FAM227B: variants seen among roughly 807,000 people sequenced by gnomAD.
The protein encoded by FAM227B is protein FAM227B.
In FAM227B, 88 loss-of-function variants were observed where a neutral mutation model predicts 73.8. The ratio of observed to expected loss-of-function variants is 1.19; its 90% CI spans 1.00 to 1.42. The LOEUF is 1.42. Ranked by LOEUF, FAM227B falls within the 40% of genes most tolerant of loss-of-function variation. The pLI is 0.00. For synonymous variants in FAM227B, 210 were observed against 190.5 expected (o/e 1.10, Z -0.84); for missense variants, 632 against 590.9 (o/e 1.07, Z -0.72).
intron 11 of FAM227B, among the ~76,000 whole-genome samples, chr15:49,382,342 C>T (rs59112977): frequency 0.17 from 25,341 of 151,830 alleles, 2,395 homozygotes; most frequent in Non-Finnish European, 0.21. Flanking sequence ...AATATTAATG[C>T]GTTTACTATT....
chr15:49,441,884 T>G (rs2051686152), intron 11 of FAM227B, among the ~76,000 whole-genome samples: 1 of 151,612 alleles, frequency 6.6e-6, no homozygotes, highest in East Asian at 1.9e-4. Context: ...GGGAGCAACC[T>G]TCTCATTGTA....
intron 9 of FAM227B, among the ~76,000 whole-genome samples, chr15:49,550,529 G>A (rs1158713649): frequency 6.6e-6 from 1 of 151,562 alleles, no homozygotes; most frequent in Non-Finnish European, 1.5e-5. Flanking sequence ...TCTCAGATGG[G>A]CGGCTGCCAG....
intron 11 of FAM227B, among the ~76,000 whole-genome samples, chr15:49,389,604 T>TA (rs5812483): frequency 0.23 from 33,334 of 147,938 alleles, 3,898 homozygotes; most frequent in African/African-American, 0.29. Flanking sequence ...TCCATCCATG[T>TA]AAAAAAAAAA....
chr15:49,363,307 G>A (rs1056511812), intron 13 of FAM227B, among the ~76,000 whole-genome samples: 2 of 152,096 alleles, frequency 1.3e-5, no homozygotes, highest in African/African-American at 4.8e-5. Context: ...TTTGAGCAAT[G>A]TTTTGTAATT....
intron 11 of FAM227B, among the ~76,000 whole-genome samples, chr15:49,378,810 T>TGCTCTA (rs1297985243): frequency 2.0e-5 from 3 of 152,174 alleles, no homozygotes; most frequent in African/African-American, 7.2e-5. Flanking sequence ...CTTGTCTGAT[T>TGCTCTA]GCTCTAGCTA....
intron 12 of FAM227B, among the ~76,000 whole-genome samples, chr15:49,368,516 G>A (rs139445888): frequency 6.6e-6 from 1 of 151,940 alleles, no homozygotes; most frequent in Non-Finnish European, 1.5e-5. Flanking sequence ...TCAAATAATG[G>A]GACTATCATA....
At chr15:49,421,317 A>C (rs2049607973) in intron 11 of FAM227B, among the ~76,000 whole-genome samples, 1 of 152,224 alleles carries the variant, frequency 6.6e-6, no homozygotes, top group African/African-American at 2.4e-5. Context: ...GCCCATCCTG[A>C]ATTAATAATT....
intron 10 of FAM227B, among the ~76,000 whole-genome samples, chr15:49,536,072 C>CAAAAAAAAAA (rs59203003): frequency 1.6e-3 from 180 of 113,920 alleles, no homozygotes; most frequent in Non-Finnish European, 2.5e-3. Flanking sequence ...GGCAATCAGA[C>CAAAAAAAAAA]AAAAAAAAAA....
At chr15:49,498,989 AC>A (rs1442145936) in intron 11 of FAM227B, among the ~76,000 whole-genome samples, 1 of 151,110 alleles carries the variant, frequency 6.6e-6, no homozygotes, top group Non-Finnish European at 1.5e-5. Context: ...AAACGGTGAA[AC>A]CCCGTCTCTA....
intron 11 of FAM227B, among the ~76,000 whole-genome samples, chr15:49,419,479 G>GA (rs1346319065): frequency 2.0e-5 from 3 of 151,980 alleles, no homozygotes; most frequent in East Asian, 1.9e-4. Flanking sequence ...ATGAAGAACA[G>GA]AAAAAAATGG....
intron 11 of FAM227B, among the ~76,000 whole-genome samples, chr15:49,477,698 GCAT>G (rs757982058): frequency 3.4e-4 from 52 of 152,282 alleles, no homozygotes; most frequent in South Asian, 8.3e-4. Context: ...AAACCTGGGG[GCAT>G]GACTGCTGGA....
intron 11 of FAM227B, among the ~76,000 whole-genome samples, chr15:49,493,666 A>G (rs1258307617): frequency 1.3e-5 from 2 of 151,944 alleles, no homozygotes. Context: ...ATCTCAATAG[A>G]GGATGGATAG....
intron 9 of FAM227B, among the ~76,000 whole-genome samples, chr15:49,566,558 T>C (rs949724226): frequency 2.6e-5 from 4 of 152,218 alleles, no homozygotes; most frequent in African/African-American, 9.6e-5. Flanking sequence ...TTTTCTTTCT[T>C]AAATATTAAT....
chr15:49,488,283 T>C (rs1444549471), intron 11 of FAM227B: 1 of 152,004 alleles, frequency 6.6e-6, no homozygotes, highest in African/African-American at 2.4e-5. Flanking sequence ...TACTCTTTAT[T>C]CCACTTCTGT....
chr15:49,606,061 C>T lies in FAM227B; in HGVS notation c.105+5154G>A, dbSNP rs150171305. On this transcript the variant is annotated intron_variant, in intron 3 of 15. Transcript: ENST00000299338. ...ACACTGTTCTGCCCTTGCTTGGTAA[C>T]TTGAAAATGTCCTTCCTAACCTCTT... is the stretch of plus-strand genomic sequence containing the variant. The T allele has an allele frequency of 3.9e-5, 6 of 152,424 alleles. No homozygotes were observed. In the East Asian group the frequency reaches 5.8e-4, roughly 15 times the overall value. 9.4% of individuals were successfully genotyped at this position (152,424 alleles called of 1,614,324 possible). A position where few individuals can be genotyped will look rare whatever the true frequency, so the allele number is the denominator to read the frequency against.
chr15:49,424,191 C>A, intron 11 of FAM227B: 2 of 1,009,594 alleles, frequency 2.0e-6, no homozygotes, highest in Non-Finnish European at 2.9e-6. Flanking sequence ...TTTCTTAAAT[C>A]AATCTACAAT....
At chr15:49,617,041 C>T (rs2078334470) in intron 1 of FAM227B, among the ~76,000 whole-genome samples, 1 of 151,746 alleles carries the variant, frequency 6.6e-6, no homozygotes, top group Non-Finnish European at 1.5e-5. Context: ...TTTATTAGTC[C>T]CTTTTCTTCT....
At chr15:49,532,141 C>G (rs891708830) in intron 10 of FAM227B, among the ~76,000 whole-genome samples, 2 of 150,600 alleles carry the variant, frequency 1.3e-5, no homozygotes, top group African/African-American at 4.9e-5. Context: ...TTTAGGGAAG[C>G]TGGTTGGGGT....
At chr15:49,356,066 G>C (rs889610407) in intron 13 of FAM227B, among the ~76,000 whole-genome samples, 2 of 146,770 alleles carry the variant, frequency 1.4e-5, no homozygotes, top group Non-Finnish European at 3.0e-5. Flanking sequence ...CAACAGGCCT[G>C]CCTTACAAGA....
Sources: gnomAD v4.1 joint callset for allele counts (sites outside exome capture counted in the v4.1 genomes callset) on GRCh38, gnomAD v4.1.1 for gene constraint, MANE v1.5 for transcripts, NCBI Gene and HGNC (gene_info 2026-07-23, HGNC 2026-07-21) for gene names.